The following KCNH8 variants were observed in gnomAD, a reference collection of about 807,000 sequenced individuals.
KCNH8 encodes voltage-gated delayed rectifier potassium channel KCNH8.
KCNH8 carries 70 observed loss-of-function variants against 103.6 expected under a neutral mutation model. That is an observed-to-expected ratio of 0.68 (90% CI 0.56 to 0.82). The LOEUF is 0.82. Among genes scored for constraint, KCNH8 ranks in the 40% least tolerant of loss-of-function variants. The pLI is 0.00. For missense variants in KCNH8, 1,217 were observed against 1,329.9 expected (o/e 0.92, Z 1.32); for synonymous variants, 498 against 489.4 (o/e 1.02, Z -0.23).
chr3:19,490,811 T>C (rs527284778), intron 11 of KCNH8, among the ~76,000 whole-genome samples: 1 of 152,268 alleles, frequency 6.6e-6, no homozygotes, highest in South Asian at 2.1e-4. Flanking sequence ...CTGGAGACTT[T>C]TGGAAAACTC....
At chr3:19,407,499 C>G (rs1179723762) in intron 7 of KCNH8, among the ~76,000 whole-genome samples, 1 of 152,116 alleles carries the variant, frequency 6.6e-6, no homozygotes, top group Non-Finnish European at 1.5e-5. Context: ...GGTCAGCAGC[C>G]TGAGTTGCCC....
chr3:19,349,070 T>C (rs1269367648), intron 5 of KCNH8, among the ~76,000 whole-genome samples: 2 of 152,010 alleles, frequency 1.3e-5, no homozygotes, highest in Non-Finnish European at 2.9e-5. Flanking sequence ...CTTCAGAGCC[T>C]TGATAGGACC....
At chr3:19,208,006 T>C (rs982733891) in intron 1 of KCNH8, among the ~76,000 whole-genome samples, 13 of 152,076 alleles carry the variant, frequency 8.5e-5, no homozygotes, top group South Asian at 2.1e-4. Flanking sequence ...TAATATCAAC[T>C]GGCAATTCTA....
At chr3:19,485,771 C>A (rs1016408655) in intron 11 of KCNH8, among the ~76,000 whole-genome samples, 1 of 152,182 alleles carries the variant, frequency 6.6e-6, no homozygotes, top group Non-Finnish European at 1.5e-5. Context: ...TTTCCTAGGG[C>A]CACTGAGGTG....
At chr3:19,182,232 T>C (rs529301454) in intron 1 of KCNH8, among the ~76,000 whole-genome samples, 21 of 152,178 alleles carry the variant, frequency 1.4e-4, no homozygotes, top group African/African-American at 4.8e-4. Context: ...GCAAATCTTA[T>C]TAAAGAAGAG....
intron 7 of KCNH8, among the ~76,000 whole-genome samples, chr3:19,417,762 A>G (rs972615341): frequency 2.0e-5 from 3 of 152,148 alleles, no homozygotes; most frequent in Non-Finnish European, 4.4e-5. Flanking sequence ...GAGACTATAG[A>G]TATGAAGAAA....
At chr3:19,533,213 A>AAAAAAGG (rs1207373231) in intron 15 of KCNH8, among the ~76,000 whole-genome samples, 182 bp from the exon 16 acceptor site, 1 of 151,298 alleles carries the variant, frequency 6.6e-6, no homozygotes, top group African/African-American at 2.4e-5. Flanking sequence ...CAAAAAAAAA[A>AAAAAAGG]AAAAAGGAAA....
chr3:19,333,545 A>G (rs1023458157), intron 3 of KCNH8, among the ~76,000 whole-genome samples: 16 of 152,148 alleles, frequency 1.1e-4, no homozygotes, highest in African/African-American at 3.9e-4. Context: ...GCAGTATGCT[A>G]TTGCTCTTGC....
intron 11 of KCNH8, 126 bp from the exon 12 acceptor site, chr3:19,510,237 C>T: frequency 1.5e-6 from 1 of 673,508 alleles, no homozygotes. Context: ...GATCCACACC[C>T]CTTCCTGTGC....
chr3:19,232,345 A>G (rs1445366313), intron 1 of KCNH8, among the ~76,000 whole-genome samples: 1 of 152,154 alleles, frequency 6.6e-6, no homozygotes, highest in Non-Finnish European at 1.5e-5. Flanking sequence ...ATCCCTCAAC[A>G]TTTTCATCAA....
chr3:19,357,750 T>C (rs1377424902), intron 5 of KCNH8, among the ~76,000 whole-genome samples: 1 of 151,906 alleles, frequency 6.6e-6, no homozygotes, highest in Non-Finnish European at 1.5e-5. Context: ...AGTAACATGA[T>C]ATGCAAGTAT....
chr3:19,182,373 A>G (rs1219424156), intron 1 of KCNH8, among the ~76,000 whole-genome samples: 1 of 152,150 alleles, frequency 6.6e-6, no homozygotes, highest in Non-Finnish European at 1.5e-5. Flanking sequence ...CTAAAAAAAT[A>G]CAAAAAAATT....
intron 14 of KCNH8, 142 bp from the exon 15 acceptor site, chr3:19,517,856 C>G: frequency 3.2e-6 from 2 of 618,776 alleles, no homozygotes; most frequent in Non-Finnish European, 5.7e-6. Flanking sequence ...CTTGCCTGAT[C>G]CCTAAAAGAC....
intron 3 of KCNH8, among the ~76,000 whole-genome samples, chr3:19,292,394 T>G (rs1407182686): frequency 3.3e-5 from 5 of 152,194 alleles, no homozygotes; most frequent in African/African-American, 1.2e-4. Flanking sequence ...GTTGTCTAAG[T>G]GGCAAGCTGC....
chr3:19,442,802 T>A (rs1157408747), intron 8 of KCNH8, among the ~76,000 whole-genome samples: 1 of 152,184 alleles, frequency 6.6e-6, no homozygotes, highest in Non-Finnish European at 1.5e-5. Context: ...GATGCCTGCA[T>A]TTTAATATTT....
intron 1 of KCNH8, among the ~76,000 whole-genome samples, chr3:19,167,157 T>G (rs1183382843): frequency 6.6e-6 from 1 of 152,190 alleles, no homozygotes; most frequent in Non-Finnish European, 1.5e-5. Context: ...CATTATTTGG[T>G]TTATAGTCAT....
intron 6 of KCNH8, among the ~76,000 whole-genome samples, chr3:19,392,790 A>C (rs2066458298): frequency 6.6e-6 from 1 of 152,058 alleles, no homozygotes; most frequent in Admixed American, 6.6e-5. Flanking sequence ...AGATACAATT[A>C]TGAATAAGAC....
At chr3:19,321,910 C>T (rs1014326466) in intron 3 of KCNH8, among the ~76,000 whole-genome samples, 9 of 151,854 alleles carry the variant, frequency 5.9e-5, no homozygotes, top group South Asian at 4.2e-4. Flanking sequence ...CCTATTGGAT[C>T]GGTCCTTTTA....
At chr3:19,177,621 G>A (rs1336508187) in intron 1 of KCNH8, among the ~76,000 whole-genome samples, 1 of 151,858 alleles carries the variant, frequency 6.6e-6, no homozygotes, top group Non-Finnish European at 1.5e-5. Context: ...AAATACATGT[G>A]TATTATTTTT....
Sources: gnomAD v4.1 joint callset for allele counts (sites outside exome capture counted in the v4.1 genomes callset) on GRCh38, gnomAD v4.1.1 for gene constraint, MANE v1.5 for transcripts, NCBI Gene and HGNC (gene_info 2026-07-23, HGNC 2026-07-21) for gene names.